The following SLC66A2 variants were observed in gnomAD, a reference collection of about 807,000 sequenced individuals.
SLC66A2 encodes the protein solute carrier family 66 member 2.
In SLC66A2, 23 loss-of-function variants were observed where a neutral mutation model predicts 25.5. The observed-to-expected ratio is 0.90, with a 90% CI of 0.65 to 1.28. The LOEUF (loss-of-function observed/expected upper bound fraction) is 1.28, where lower values mean the gene tolerates loss of function less well. Among genes scored for constraint, SLC66A2 ranks in the 50% most tolerant of loss-of-function variants. The pLI, the probability that SLC66A2 is intolerant of heterozygous loss-of-function variation, is 0.00. For missense variants in SLC66A2, 396 were observed against 373.1 expected (o/e 1.06, Z -0.51); for synonymous variants, 193 against 166.5 (o/e 1.16, Z -1.23).
At position 79,950,766 on chromosome 18, in the gene SLC66A2, C is replaced by G; in HGVS notation, c.161G>C (p.Cys54Ser). ...AATGTTGGCCACCAGCAGCACCAGG[C>G]ACACGTAGGTGGAGAAGCCGTCGGC... ...QNADGFSTYV[C>S]LVLLVANILR... Residue 54 changes from cysteine (C) to serine (S), a missense_variant, in exon 2 of 6, where the codon TGC becomes TCC. By Grantham distance (112) the Cys-to-Ser change is moderately radical. Coordinates refer to ENST00000397778, the MANE Select transcript of SLC66A2 (RefSeq NM_025078.5). 1 of 1,613,288 alleles carries G rather than the reference C, an allele frequency of 6.2e-7. No individual in the cohort carries two copies. The highest frequency in any genetic ancestry group is 1.1e-5 in the South Asian group (1 of 91,090).
At chr18:79,928,572 C>T (rs763325153) in intron 4 of SLC66A2, among the ~76,000 whole-genome samples, 29 of 152,126 alleles carry the variant, frequency 1.9e-4, no homozygotes, top group Non-Finnish European at 3.2e-4. Context: ...GGACACACGG[C>T]GAATGGAGAA....
At chr18:79,949,814 C>CT (rs2051056939) in intron 2 of SLC66A2, 1 of 152,274 alleles carries the variant, frequency 6.6e-6, no homozygotes, top group African/African-American at 2.4e-5. Flanking sequence ...CAGCAGACAC[C>CT]TTCCAATCTG....
chr18:79,904,127 A>G lies in SLC66A2; in HGVS notation c.665T>C (p.Leu222Pro). The change falls in exon 6 of 6, where the codon CTG (leucine) becomes CCG (proline). Residue 222 changes from leucine (L) to proline (P), a missense_variant. By Grantham distance (98) the Leu-to-Pro change is moderately conservative. Coordinates refer to ENST00000397778, the MANE Select transcript of SLC66A2 (RefSeq NM_025078.5). The surrounding 1 kb of genome is among the most constrained non-coding windows in gnomAD (Gnocchi z 6.3). ...SGDAFKTAYF[L>P]LKGAPLQFSV... Reference sequence around the variant, plus strand: ...GAACTGCAGAGGGGCACCCTTCAGCAGGAAGTAGGCCGTCTTGAAGGCGTC... The same window carrying G: ...GAACTGCAGAGGGGCACCCTTCAGCGGGAAGTAGGCCGTCTTGAAGGCGTC... The G allele has an allele frequency of 6.2e-7, 1 of 1,613,046 alleles. No individual in the cohort carries two copies.
In SLC66A2 at chr18:79,918,456, AGGGTCCCCAGTGAGGAGCGGCACCGGG is replaced by A. The variant is rs1466809084; in HGVS notation, c.608+701_608+727del. On this transcript the variant is annotated intron_variant, in intron 5 of 5. Transcript: ENST00000397778. This position sits in a 1 kb window ranked among gnomAD's most constrained non-coding sequence, Gnocchi z 4.0. ...CCCCAGTGAGGAGCGGGCACCGGGG[AGGGTCCCCAGTGAGGAGCGGCACCGGG>A]GGGTCCCCAGTGAGGAGCGGGCCTG... 7.2e-4 allele frequency among the ~76,000 whole-genome samples: 88 copies of A among 122,448 alleles called. No homozygotes were observed. The highest frequency in any genetic ancestry group is 3.1e-3 in the Admixed American group (37 of 12,098). 80.3% of individuals were successfully genotyped at this position (122,448 alleles called of 152,430 possible).
At position 79,940,527 on chromosome 18, in the gene SLC66A2, C is replaced by T. The variant is rs750333543; in HGVS notation, c.337+2802G>A. ...AACAGAACATGTTCAGAGCCAACAA[C>T]CTTCCCTTAAAGGTGACGCCGCTGA... On this transcript the variant is annotated intron_variant, in intron 3 of 5. Transcript: ENST00000397778. This position sits in a 1 kb window ranked among gnomAD's most constrained non-coding sequence, Gnocchi z 4.1. Among the ~76,000 whole-genome samples the T allele has an allele frequency of 6.6e-6, 1 of 151,958 alleles. No homozygotes were observed. Among genetic ancestry groups the T allele is most frequent in the Non-Finnish European group, 1.5e-5 (1 of 68,022 alleles).
intron 4 of SLC66A2, among the ~76,000 whole-genome samples, chr18:79,922,282 GA>G (rs147083635): frequency 0.44 from 45,743 of 103,168 alleles, 8,119 homozygotes; most frequent in South Asian, 0.55. Context: ...TCTTTGAAAA[GA>G]AAAAAAAAAA....
chr18:79,942,665 AC>A (rs1568335042), intron 3 of SLC66A2, among the ~76,000 whole-genome samples: 1 of 152,234 alleles, frequency 6.6e-6, no homozygotes, highest in Non-Finnish European at 1.5e-5. Flanking sequence ...CCTCCTGCAC[AC>A]AAGAAGCCCG....
chr18:79,929,896 T>A (rs886742105), intron 4 of SLC66A2, among the ~76,000 whole-genome samples: 1 of 151,836 alleles, frequency 6.6e-6, no homozygotes. Context: ...ATAAAGACTA[T>A]GCAACCTAAA....
chr18:79,942,801 T>C (rs1246646221), intron 3 of SLC66A2, among the ~76,000 whole-genome samples: 3 of 152,218 alleles, frequency 2.0e-5, no homozygotes, highest in African/African-American at 7.2e-5. Context: ...AAGCATGTGA[T>C]TGGTCCTGCC....
At chr18:79,909,472 G>A (rs1208517907) in intron 5 of SLC66A2, among the ~76,000 whole-genome samples, 3 of 151,338 alleles carry the variant, frequency 2.0e-5, no homozygotes, top group Non-Finnish European at 2.9e-5. Context: ...CCTCACCAGA[G>A]TCCCCAACCT....
At position 79,917,315 on chromosome 18, in the gene SLC66A2, C is replaced by T. The variant is rs12456484; in HGVS notation, c.608+1869G>A. The stretch of plus-strand genomic sequence containing the variant: ...ACAGCAAAACCTGCTACCCTGGAAT[C>T]GAGAGCAACAGCTCCTGCCAAGCCT... On this transcript the variant is annotated intron_variant, in intron 5 of 5. Coordinates refer to ENST00000397778, the MANE Select transcript of SLC66A2 (RefSeq NM_025078.5). This position sits in a 1 kb window ranked among gnomAD's most constrained non-coding sequence, Gnocchi z 6.0. Among the ~76,000 whole-genome samples the T allele has an allele frequency of 1.3e-5, 2 of 152,112 alleles. No individual in the cohort carries two copies.
At chr18:79,913,026 G>C (rs1568297616) in intron 5 of SLC66A2, among the ~76,000 whole-genome samples, 2 of 152,336 alleles carry the variant, frequency 1.3e-5, no homozygotes, top group Non-Finnish European at 1.5e-5. Flanking sequence ...TCTAGAGTTT[G>C]GGTAAGAGCT....
At chr18:79,951,416 C>G (rs1258604064) in intron 1 of SLC66A2, among the ~76,000 whole-genome samples, 165 bp downstream of exon 1, 1 of 150,092 alleles carries the variant, frequency 6.7e-6, no homozygotes, top group Non-Finnish European at 1.5e-5. Flanking sequence ...GAAGGGGGCG[C>G]AGGCCCAGGA....
At chr18:79,912,026 AAG>A (rs1983255520) in intron 5 of SLC66A2, among the ~76,000 whole-genome samples, 1 of 125,876 alleles carries the variant, frequency 7.9e-6, no homozygotes, top group Non-Finnish European at 1.7e-5. Context: ...CAGCAGCAGG[AAG>A]GGGACAGGAG....
At chr18:79,949,837 G>C (rs945031514) in intron 2 of SLC66A2, 1 of 152,232 alleles carries the variant, frequency 6.6e-6, no homozygotes, top group Non-Finnish European at 1.5e-5. Flanking sequence ...CGGACAGAGA[G>C]GCTGGGATCA....
At chr18:79,928,315 G>T (rs1986211886) in intron 4 of SLC66A2, among the ~76,000 whole-genome samples, 1 of 152,238 alleles carries the variant, frequency 6.6e-6, no homozygotes, top group Non-Finnish European at 1.5e-5. Flanking sequence ...ACACCCCATG[G>T]AGAATGCTTG....
In SLC66A2 at chr18:79,940,150, T is replaced by C. The variant is rs576846262; in HGVS notation, c.337+3179A>G. Among the ~76,000 whole-genome samples, 6 of 152,320 alleles carry C rather than the reference T, an allele frequency of 3.9e-5. No individual in the cohort carries two copies. The highest frequency in any genetic ancestry group is 1.4e-4 in the African/African-American group (6 of 41,558). ...CGGGAACAGAAGACCAAATGCCGCA[T>C]GTTCTCACGTGTAAGTGGGAGCTAA... On this transcript the variant is annotated intron_variant, in intron 3 of 5. Coordinates refer to ENST00000397778, the MANE Select transcript of SLC66A2 (RefSeq NM_025078.5). The surrounding 1 kb of genome is among the most constrained non-coding windows in gnomAD (Gnocchi z 4.1).
At chr18:79,951,402 G>C (rs1439507718) in intron 1 of SLC66A2, among the ~76,000 whole-genome samples, 179 bp downstream of exon 1, 1 of 150,550 alleles carries the variant, frequency 6.6e-6, no homozygotes, top group African/African-American at 2.4e-5. Context: ...CGCACGGCTC[G>C]GGGGAAGGGG....
chr18:79,922,833 G>T (rs1211686488), intron 4 of SLC66A2, among the ~76,000 whole-genome samples: 1 of 144,438 alleles, frequency 6.9e-6, no homozygotes, highest in Admixed American at 6.8e-5. Flanking sequence ...AGAGGGATTG[G>T]GGGGGTTGGG....
Sources: allele counts gnomAD v4.1 joint callset (sites outside exome capture counted in the v4.1 genomes callset), GRCh38; gene constraint gnomAD v4.1.1; non-coding constraint Gnocchi (gnomAD v3.1); transcripts MANE v1.5; gene names NCBI Gene and HGNC (gene_info 2026-07-23, HGNC 2026-07-21).